ENAH: variants seen among roughly 807,000 people sequenced by gnomAD.
ENAH encodes protein enabled homolog.
In ENAH, 23 loss-of-function variants were observed where a neutral mutation model predicts 78.7. The ratio of observed to expected loss-of-function variants is 0.29; its 90% confidence interval spans 0.21 to 0.41. ENAH has a LOEUF of 0.41. Among genes scored for constraint, ENAH ranks in the 10% least tolerant of loss-of-function variants. ENAH has a pLI of 1.00. For missense variants in ENAH, 544 were observed against 691.0 expected (o/e 0.79, Z 2.39); for synonymous variants, 226 against 241.0 (o/e 0.94, Z 0.58).
intron 1 of ENAH, among the ~76,000 whole-genome samples, chr1:225,605,827 G>A (rs2096952978): frequency 6.6e-6 from 1 of 152,150 alleles, no homozygotes; most frequent in South Asian, 2.1e-4. Flanking sequence ...ACTGTGGACA[G>A]AGAAGGAGAG....
In ENAH at chr1:225,652,847, G is replaced by C. The variant is rs1012322771; in HGVS notation, c.-157C>G. 11 of 492,320 alleles carry C rather than the reference G, an allele frequency of 2.2e-5. No homozygotes were observed. Among genetic ancestry groups the C allele is most frequent in the Admixed American group, 1.8e-4 (4 of 22,762 alleles). 30.5% of individuals were successfully genotyped at this position (492,320 alleles called of 1,614,324 possible). ...GGCCAGGGGGCTACACCATCTCCTC[G>C]CACAAAGCCGAGGCGCCGGCCGGGA... On this transcript the variant is annotated 5_prime_UTR_variant, in exon 1 of 14. Transcript: ENST00000366843.
At chr1:225,577,073 T>C (rs535088112) in intron 1 of ENAH, among the ~76,000 whole-genome samples, 6 of 152,158 alleles carry the variant, frequency 3.9e-5, no homozygotes, top group Non-Finnish European at 4.4e-5. Context: ...GCCAAGATTG[T>C]GCCACTGCAC....
chr1:225,520,718 T>C (rs577998944), intron 4 of ENAH, among the ~76,000 whole-genome samples: 29 of 152,072 alleles, frequency 1.9e-4, no homozygotes, highest in East Asian at 1.9e-4. Context: ...CAGCCAGGCA[T>C]GGTGCCATGC....
chr1:225,597,153 G>A lies in ENAH; in HGVS notation c.6-29739C>T, dbSNP rs1026941920. Among the ~76,000 whole-genome samples, 5 of 152,048 alleles carry A rather than the reference G, an allele frequency of 3.3e-5. No homozygotes were observed. In the South Asian group the frequency reaches 6.2e-4, roughly 19 times the overall value. ...AGCCTATTATTTATGTTTCCATTCC[G>A]CCGTGAACCAAGTATTCTACCCATA... On this transcript the variant is annotated intron_variant, in intron 1 of 13. Transcript: ENST00000366843.
intron 1 of ENAH, among the ~76,000 whole-genome samples, chr1:225,646,952 G>A (rs115367876): frequency 4.6e-5 from 7 of 151,778 alleles, no homozygotes; most frequent in African/African-American, 1.7e-4. Flanking sequence ...CAGGGCTGGG[G>A]GCGGTGACTC....
At chr1:225,523,616 T>C (rs1281606450) in intron 4 of ENAH, among the ~76,000 whole-genome samples, 1 of 152,166 alleles carries the variant, frequency 6.6e-6, no homozygotes, top group Non-Finnish European at 1.5e-5. Flanking sequence ...TTTAGCTTGC[T>C]TGCTGAAAAG....
At chr1:225,526,873 T>A (rs1345946284) in intron 4 of ENAH, among the ~76,000 whole-genome samples, 2 of 152,228 alleles carry the variant, frequency 1.3e-5, no homozygotes, top group Non-Finnish European at 2.9e-5. Context: ...TTTATAGAAG[T>A]TGGCCTGAAA....
chr1:225,560,197 G>T (rs1039341716), intron 2 of ENAH, among the ~76,000 whole-genome samples: 6 of 151,844 alleles, frequency 4.0e-5, no homozygotes, highest in African/African-American at 1.5e-4. Context: ...CTGAGACAAG[G>T]GCTTCCTGTG....
In ENAH at chr1:225,488,711, T is replaced by TC. The variant is rs1241888372; in HGVS notation, c.*9063dup. 6.6e-6 allele frequency: 1 copy of TC among 151,986 alleles called. No homozygotes were observed. The highest frequency in any genetic ancestry group is 1.5e-5 in the Non-Finnish European group (1 of 67,996). 9.4% of individuals were successfully genotyped at this position (151,986 alleles called of 1,614,324 possible). On this transcript the variant is annotated 3_prime_UTR_variant, in exon 14 of 14. Coordinates refer to ENST00000366843, the MANE Select transcript of ENAH (RefSeq NM_018212.6). ...CCTATTCATGCTAGCAAGAAATGAA[T>TC]CCCAAAGGACACGCACCAAGAACCA...
chr1:225,517,452 T>C (rs763289069), intron 5 of ENAH, 146 bp from the exon 6 acceptor site: 25 of 1,551,412 alleles, frequency 1.6e-5, no homozygotes, highest in Non-Finnish European at 1.6e-5. Flanking sequence ...CTGCTGGCCC[T>C]GAGGTAGGCG....
At chr1:225,503,747 G>C (rs2096303247) in intron 11 of ENAH, among the ~76,000 whole-genome samples, 1 of 146,258 alleles carries the variant, frequency 6.8e-6, no homozygotes, top group Non-Finnish European at 1.5e-5. Flanking sequence ...AAATTAACTT[G>C]TCAAGTATTT....
At chr1:225,594,780 C>T (rs759785804) in intron 1 of ENAH, among the ~76,000 whole-genome samples, 5 of 152,164 alleles carry the variant, frequency 3.3e-5, no homozygotes, top group Admixed American at 6.5e-5. Context: ...GAAAATAATA[C>T]GCAATTCTGC....
chr1:225,543,382 A>C (rs1301799573), intron 3 of ENAH, among the ~76,000 whole-genome samples: 1 of 152,260 alleles, frequency 6.6e-6, no homozygotes, highest in Admixed American at 6.5e-5. Context: ...TTCTTCCTAC[A>C]TGAATGACAA....
intron 6 of ENAH, 154 bp from the exon 7 acceptor site, chr1:225,515,054 G>C (rs2096407091): frequency 5.7e-6 from 4 of 701,846 alleles, no homozygotes; most frequent in African/African-American, 5.6e-5. Context: ...GTCTAGATCA[G>C]TTTTTGAAAG....
intron 1 of ENAH, among the ~76,000 whole-genome samples, chr1:225,592,419 T>C (rs2096881469): frequency 6.6e-6 from 1 of 152,218 alleles, no homozygotes; most frequent in South Asian, 2.1e-4. Context: ...CTCTTCATTT[T>C]TACTCTTCCC....
In ENAH at chr1:225,492,258, T is replaced by G. The variant is rs937365690; in HGVS notation, c.*5517A>C. The G allele has an allele frequency of 6.6e-6, 1 of 152,050 alleles. No homozygotes were observed. The highest frequency in any genetic ancestry group is 2.4e-5 in the African/African-American group (1 of 41,372). 9.4% of individuals were successfully genotyped at this position (152,050 alleles called of 1,614,324 possible). On this transcript the variant is annotated 3_prime_UTR_variant, in exon 14 of 14. Coordinates refer to ENST00000366843, the MANE Select transcript of ENAH (RefSeq NM_018212.6). ...GCACCACCATGCCTGGCCTAAATTT[T>G]TAAATTTTTTTGTAGAAATGAGTCT...
At position 225,578,506 on chromosome 1, in the gene ENAH, C is replaced by G. The variant is rs1291976956; in HGVS notation, c.6-11092G>C. Among the ~76,000 whole-genome samples, 6 of 152,210 alleles carry G rather than the reference C, an allele frequency of 3.9e-5. No individual in the cohort carries two copies. The East Asian group carries it at 1.2e-3, about 29-fold the overall frequency. On this transcript the variant is annotated intron_variant, in intron 1 of 13. Coordinates refer to ENST00000366843, the MANE Select transcript of ENAH (RefSeq NM_018212.6). ...AAGGAAGAAAAGAAAGAAATATTAACAAACTAGTAAGACTGAGATTATCTA... is the reference window on the plus strand; with the variant it reads ...AAGGAAGAAAAGAAAGAAATATTAAGAAACTAGTAAGACTGAGATTATCTA...
chr1:225,591,404 G>T lies in ENAH; in HGVS notation c.6-23990C>A, dbSNP rs539203042. Among the ~76,000 whole-genome samples the T allele has an allele frequency of 1.0e-3, 156 of 151,974 alleles. 2 individuals are homozygous for T. The South Asian group carries it at 0.031, about 31-fold the overall frequency. On this transcript the variant is annotated intron_variant, in intron 1 of 13. Coordinates refer to ENST00000366843, the MANE Select transcript of ENAH (RefSeq NM_018212.6). ...AATCGCTTGAACCCCGGAGGTGGAG[G>T]TTGCAGTGAGCCGAGACTGCGCCAT... is the stretch of plus-strand genomic sequence containing the variant.
At chr1:225,594,495 A>T (rs1000187084) in intron 1 of ENAH, among the ~76,000 whole-genome samples, 1 of 152,078 alleles carries the variant, frequency 6.6e-6, no homozygotes, top group Non-Finnish European at 1.5e-5. Flanking sequence ...TTCCAAAAAC[A>T]TCCCTCTAGG....
Sources: gnomAD v4.1 joint callset for allele counts (sites outside exome capture counted in the v4.1 genomes callset) on GRCh38, gnomAD v4.1.1 for gene constraint, MANE v1.5 for transcripts, NCBI Gene and HGNC (gene_info 2026-07-23, HGNC 2026-07-21) for gene names.